TNRC6A: variants seen among roughly 807,000 people sequenced by gnomAD.
TNRC6A encodes the protein trinucleotide repeat-containing gene 6A protein.
Under a neutral mutation model 221.2 loss-of-function variants are expected in TNRC6A, and 44 were observed. The ratio of observed to expected loss-of-function variants is 0.20; its 90% CI spans 0.16 to 0.26. The LOEUF is 0.26. TNRC6A is among the 10% of genes least tolerant of loss of function. The pLI, the probability that TNRC6A is intolerant of heterozygous loss-of-function variation, is 1.00. For missense variants in TNRC6A, 2,199 were observed against 2,404.4 expected (o/e 0.91, Z 1.79); for synonymous variants, 847 against 838.5 (o/e 1.01, Z -0.18).
intron 2 of TNRC6A, among the ~76,000 whole-genome samples, chr16:24,699,689 G>A (rs895856909): frequency 4.7e-5 from 7 of 150,286 alleles, no homozygotes; most frequent in Admixed American, 6.7e-5. Context: ...ACTGCACTCC[G>A]GCCCAGGCAA....
chr16:24,641,465 G>T (rs1159777083), intron 2 of TNRC6A, among the ~76,000 whole-genome samples: 1 of 152,152 alleles, frequency 6.6e-6, no homozygotes, highest in Non-Finnish European at 1.5e-5. Flanking sequence ...GGTAGGAGGG[G>T]TCTGCTGGAT....
chr16:24,749,969 G>A (rs769136158), intron 2 of TNRC6A, among the ~76,000 whole-genome samples: 8 of 152,036 alleles, frequency 5.3e-5, no homozygotes, highest in African/African-American at 9.7e-5. Flanking sequence ...GTGAAACCCC[G>A]TCTGTACTAA....
chr16:24,789,285 G>C lies in TNRC6A; in HGVS notation c.643G>C (p.Val215Leu). Residue 215 changes from valine to leucine, a missense_variant, in exon 6 of 25, where the codon GTG becomes CTG. By Grantham distance (32) the Val-to-Leu change is conservative. Around this residue, in one of 8 missense-constraint regions of TNRC6A, gnomAD observed 1,405 missense variants for 1,400.2 expected, o/e 1.00. Coordinates refer to ENST00000395799, the MANE Select transcript of TNRC6A (RefSeq NM_014494.4). ...SHYENSQRGP[V>L]SSTSDSSTNC... ...TTATGAAAATTCCCAGCGGGGACCTGTGTCTTCTACAAGTGATTCTAGCAC... is the reference window on the plus strand; with the variant it reads ...TTATGAAAATTCCCAGCGGGGACCTCTGTCTTCTACAAGTGATTCTAGCAC... 1 of 1,613,378 alleles carries C rather than the reference G, an allele frequency of 6.2e-7. No individual in the cohort carries two copies. The highest frequency in any genetic ancestry group is 2.2e-5 in the East Asian group (1 of 44,892).
chr16:24,798,995 C>T (rs931140641), intron 11 of TNRC6A, among the ~76,000 whole-genome samples: 4 of 152,136 alleles, frequency 2.6e-5, no homozygotes, highest in Admixed American at 6.5e-5. Flanking sequence ...TCTAAGATAC[C>T]AGTGAAGGCA....
chr16:24,691,893 G>A (rs1010767165), intron 2 of TNRC6A, among the ~76,000 whole-genome samples: 13 of 152,074 alleles, frequency 8.5e-5, no homozygotes, highest in South Asian at 2.1e-4. Context: ...GACTGACAGC[G>A]GCAATTAAAG....
At chr16:24,684,532 A>T (rs540630200) in intron 2 of TNRC6A, among the ~76,000 whole-genome samples, 2 of 152,324 alleles carry the variant, frequency 1.3e-5, no homozygotes, top group African/African-American at 4.8e-5. Flanking sequence ...AGGGCTGGGC[A>T]CAGCAGCTCA....
intron 1 of TNRC6A, among the ~76,000 whole-genome samples, chr16:24,637,094 G>A (rs1016553844): frequency 2.6e-5 from 4 of 152,076 alleles, no homozygotes; most frequent in Non-Finnish European, 4.4e-5. Context: ...GTGTAGTGGT[G>A]GGATGATGGC....
chr16:24,801,946 G>T (rs1197256233), intron 11 of TNRC6A, among the ~76,000 whole-genome samples: 1 of 148,714 alleles, frequency 6.7e-6, no homozygotes, highest in African/African-American at 2.5e-5. Flanking sequence ...AGTGAATTAT[G>T]ACATCTTAAC....
At chr16:24,723,675 G>A (rs1351920979) in intron 2 of TNRC6A, among the ~76,000 whole-genome samples, 1 of 151,058 alleles carries the variant, frequency 6.6e-6, no homozygotes. Context: ...CTCCCTCACT[G>A]GACATTCACA....
At position 24,825,335 on chromosome 16, in the gene TNRC6A, C is replaced by T. The variant is rs188128492; in HGVS notation, c.*1528C>T. On this transcript the variant is annotated 3_prime_UTR_variant, in exon 25 of 25. Coordinates refer to ENST00000395799, the MANE Select transcript of TNRC6A (RefSeq NM_014494.4). ...TTCTAACTGTTTGTGTCCTAAGATG[C>T]AAAAGAAGTCAGTGGCTTTTAACTG... The T allele has an allele frequency of 3.6e-4, 55 of 152,686 alleles. No individual in the cohort carries two copies. Among genetic ancestry groups the T allele is most frequent in the Non-Finnish European group, 5.9e-4 (40 of 68,010 alleles). The allele number at this position is 152,686 out of a possible 1,614,324, so 9.5% of individuals were successfully genotyped here. A position where few individuals can be genotyped will look rare whatever the true frequency, so the allele number is the denominator to read the frequency against.
chr16:24,642,846 C>T (rs1418479041), intron 2 of TNRC6A, among the ~76,000 whole-genome samples: 3 of 151,498 alleles, frequency 2.0e-5, no homozygotes, highest in African/African-American at 7.3e-5. Context: ...TGTTCAAGAC[C>T]AGCCTAGGCA....
intron 2 of TNRC6A, among the ~76,000 whole-genome samples, chr16:24,748,352 A>G (rs994190703): frequency 3.3e-5 from 5 of 152,138 alleles, no homozygotes; most frequent in African/African-American, 1.2e-4. Flanking sequence ...CTGCTCTCAT[A>G]TGCTGTGGCT....
At chr16:24,633,522 G>A (rs1408255258) in intron 1 of TNRC6A, among the ~76,000 whole-genome samples, 2 of 152,024 alleles carry the variant, frequency 1.3e-5, no homozygotes, top group African/African-American at 4.8e-5. Context: ...TGCCTCCCAA[G>A]TAGCTGGGAT....
chr16:24,677,892 C>A (rs1567349036), intron 2 of TNRC6A, among the ~76,000 whole-genome samples: 1 of 145,500 alleles, frequency 6.9e-6, no homozygotes, highest in Non-Finnish European at 1.6e-5. Context: ...GCTGGATGAT[C>A]TTTGTTTTGG....
At chr16:24,651,268 G>A (rs1048823637) in intron 2 of TNRC6A, among the ~76,000 whole-genome samples, 10 of 151,842 alleles carry the variant, frequency 6.6e-5, no homozygotes, top group African/African-American at 2.2e-4. Context: ...GCCAGGCGCC[G>A]TGCCTCACGC....
chr16:24,793,342 A>G (rs2058150514), intron 6 of TNRC6A, 131 bp from the exon 7 acceptor site: 2 of 506,136 alleles, frequency 4.0e-6, no homozygotes, highest in Admixed American at 4.2e-5. Flanking sequence ...TTTGCCTATC[A>G]CAGTATCATT....
chr16:24,647,903 A>G (rs1902377466), intron 2 of TNRC6A, among the ~76,000 whole-genome samples: 1 of 152,054 alleles, frequency 6.6e-6, no homozygotes, highest in East Asian at 1.9e-4. Context: ...GAGCCACTGC[A>G]CCCAGCCTAT....
At chr16:24,712,907 C>CTGTGTGTGTGTGTA (rs2056231427) in intron 2 of TNRC6A, among the ~76,000 whole-genome samples, 2 of 126,776 alleles carry the variant, frequency 1.6e-5, no homozygotes, top group African/African-American at 3.2e-5. Flanking sequence ...TTATGTGCCA[C>CTGTGTGTGTGTGTA]TGTGTGTGTG....
At chr16:24,801,201 T>C (rs2058324824) in intron 11 of TNRC6A, among the ~76,000 whole-genome samples, 1 of 152,136 alleles carries the variant, frequency 6.6e-6, no homozygotes, top group African/African-American at 2.4e-5. Flanking sequence ...GTGTAAGCTA[T>C]AGGAATAGTT....
Sources: gnomAD v4.1 joint callset for allele counts (sites outside exome capture counted in the v4.1 genomes callset) on GRCh38, gnomAD v4.1.1 for gene constraint, gnomAD v4.1.1 regional missense constraint, MANE v1.5 for transcripts, NCBI Gene and HGNC (gene_info 2026-07-23, HGNC 2026-07-21) for gene names.